CTNNA3: variants seen among roughly 807,000 people sequenced by gnomAD.
CTNNA3 encodes the protein catenin alpha-3.
Under a neutral mutation model 95.7 loss-of-function variants are expected in CTNNA3, and 76 were observed. The observed-to-expected ratio is 0.79, with a 90% CI of 0.66 to 0.96. The LOEUF is 0.96. Ranked by LOEUF, CTNNA3 falls within the 40% of genes least tolerant of loss-of-function variation. The pLI is 0.00. For missense variants in CTNNA3, 1,191 were observed against 1,089.8 expected, an observed-to-expected ratio of 1.09 and a Z score of -1.31; for synonymous variants, 431 against 374.4, an observed-to-expected ratio of 1.15 and a Z score of -1.74.
chr10:67,111,271 G>A (rs976087014), intron 7 of CTNNA3, among the ~76,000 whole-genome samples: 1 of 152,080 alleles, frequency 6.6e-6, no homozygotes, highest in Non-Finnish European at 1.5e-5. Context: ...ATTATAGAGT[G>A]CTAATAGCTC....
At chr10:66,184,325 C>T (rs941432967) in intron 13 of CTNNA3, among the ~76,000 whole-genome samples, 2 of 151,964 alleles carry the variant, frequency 1.3e-5, no homozygotes, top group African/African-American at 2.4e-5. Context: ...AAAATTTTAA[C>T]TTTAATGTAG....
intron 11 of CTNNA3, among the ~76,000 whole-genome samples, chr10:66,468,105 C>T (rs977332756): frequency 6.6e-6 from 1 of 151,926 alleles, no homozygotes; most frequent in African/African-American, 2.4e-5. Flanking sequence ...AATTTTGAAG[C>T]AAATCAAGAA....
intron 7 of CTNNA3, among the ~76,000 whole-genome samples, chr10:67,112,479 T>C (rs1326959696): frequency 1.3e-5 from 2 of 152,276 alleles, no homozygotes; most frequent in South Asian, 4.1e-4. Flanking sequence ...TCAGCACTTA[T>C]TTAGTCAAGT....
At chr10:66,501,332 G>A (rs929384855) in intron 11 of CTNNA3, among the ~76,000 whole-genome samples, 1 of 152,092 alleles carries the variant, frequency 6.6e-6, no homozygotes, top group African/African-American at 2.4e-5. Flanking sequence ...GAATGATGAG[G>A]TTTCAAAGAC....
chr10:67,675,572 C>A (rs1186370922), intron 1 of CTNNA3, among the ~76,000 whole-genome samples: 1 of 152,148 alleles, frequency 6.6e-6, no homozygotes, highest in Non-Finnish European at 1.5e-5. Context: ...TTTCTGCCCA[C>A]ATTCTAATGG....
chr10:67,567,567 G>A lies in CTNNA3; in HGVS notation c.293-27898C>T, dbSNP rs1589436100. Among the ~76,000 whole-genome samples, 5 of 152,096 alleles carry A rather than the reference G, an allele frequency of 3.3e-5. No individual in the cohort carries two copies. In the South Asian group the frequency reaches 1.0e-3, roughly 32 times the overall value. ...AATCTATGCAAGTAATAAAATTACA[G>A]GTGTACCCCATATATTTGTACAAAG... On this transcript the variant is annotated intron_variant, in intron 3 of 17. Coordinates refer to ENST00000433211, the MANE Select transcript of CTNNA3 (RefSeq NM_013266.4).
intron 5 of CTNNA3, among the ~76,000 whole-genome samples, chr10:67,281,042 T>C (rs192374173): frequency 6.6e-6 from 1 of 152,296 alleles, no homozygotes; most frequent in East Asian, 1.9e-4. Context: ...TACACATTTT[T>C]ACGTTTGACA....
chr10:66,281,714 T>C (rs1411997226), intron 12 of CTNNA3, among the ~76,000 whole-genome samples: 1 of 151,942 alleles, frequency 6.6e-6, no homozygotes, highest in African/African-American at 2.4e-5. Context: ...TTTCTACATT[T>C]AAGTTGTATC....
chr10:65,988,090 T>C (rs1373664906), intron 16 of CTNNA3, among the ~76,000 whole-genome samples: 1 of 152,048 alleles, frequency 6.6e-6, no homozygotes, highest in African/African-American at 2.4e-5. Context: ...TACAGTTATA[T>C]AGGAGGAATA....
intron 7 of CTNNA3, among the ~76,000 whole-genome samples, chr10:67,002,946 T>C (rs1851767241): frequency 6.6e-6 from 1 of 152,194 alleles, no homozygotes; most frequent in South Asian, 2.1e-4. Flanking sequence ...ACCTAAAATA[T>C]ACTCTTCGTA....
At chr10:67,679,785 A>T (rs1840593614) in intron 1 of CTNNA3, among the ~76,000 whole-genome samples, 1 of 152,238 alleles carries the variant, frequency 6.6e-6, no homozygotes, top group Non-Finnish European at 1.5e-5. Context: ...ACTGTTGGTC[A>T]AAGTGAATAT....
intron 10 of CTNNA3, among the ~76,000 whole-genome samples, chr10:66,585,856 T>C (rs1843344117): frequency 6.6e-6 from 1 of 152,148 alleles, no homozygotes; most frequent in African/African-American, 2.4e-5. Flanking sequence ...GTTTCCAGAA[T>C]TGTTTTTATG....
intron 3 of CTNNA3, among the ~76,000 whole-genome samples, chr10:67,542,685 A>G (rs1840717709): frequency 1.3e-5 from 2 of 152,088 alleles, no homozygotes; most frequent in South Asian, 4.1e-4. Context: ...CAAAGTACTA[A>G]GAGACACAGA....
chr10:67,203,178 C>G (rs1212101407), intron 6 of CTNNA3, among the ~76,000 whole-genome samples: 1 of 152,146 alleles, frequency 6.6e-6, no homozygotes, highest in Admixed American at 6.6e-5. Flanking sequence ...GTAATAATCC[C>G]CATGTGTCAA....
At chr10:67,762,745 G>T (rs920150737) in intron 1 of CTNNA3, among the ~76,000 whole-genome samples, 4 of 152,112 alleles carry the variant, frequency 2.6e-5, no homozygotes, top group Non-Finnish European at 5.9e-5. Context: ...AGACAGCCCG[G>T]CGCCACACCC....
chr10:66,630,220 GA>G (rs1845084128), intron 9 of CTNNA3, among the ~76,000 whole-genome samples: 2 of 152,104 alleles, frequency 1.3e-5, no homozygotes. Flanking sequence ...ATGAACATGA[GA>G]TGACAAATAG....
chr10:67,481,596 G>C (rs1848230615), intron 5 of CTNNA3, among the ~76,000 whole-genome samples: 1 of 152,168 alleles, frequency 6.6e-6, no homozygotes, highest in East Asian at 1.9e-4. Context: ...GTGAAAGAAA[G>C]ATCTCTACAA....
At chr10:66,145,677 A>G (rs1223435354) in intron 13 of CTNNA3, among the ~76,000 whole-genome samples, 2 of 152,192 alleles carry the variant, frequency 1.3e-5, no homozygotes, top group African/African-American at 2.4e-5. Context: ...AGCTTATTGC[A>G]AAGCAAGTAA....
At chr10:66,809,694 G>T (rs1448885357) in intron 7 of CTNNA3, among the ~76,000 whole-genome samples, 4 of 151,880 alleles carry the variant, frequency 2.6e-5, no homozygotes, top group Non-Finnish European at 5.9e-5. Context: ...TCAATCTTCA[G>T]TATTTCTTAA....
Sources: gnomAD v4.1 joint callset for allele counts (sites outside exome capture counted in the v4.1 genomes callset) on GRCh38, gnomAD v4.1.1 for gene constraint, MANE v1.5 for transcripts, NCBI Gene and HGNC (gene_info 2026-07-23, HGNC 2026-07-21) for gene names.